DYRK1A: variants seen among roughly 807,000 people sequenced by gnomAD.
The protein encoded by DYRK1A is dual specificity tyrosine-phosphorylation-regulated kinase 1A.
A neutral mutation model predicts 79.7 loss-of-function variants in DYRK1A; 9 were observed. The ratio of observed to expected loss-of-function variants is 0.11; its 90% CI spans 0.07 to 0.20. The LOEUF is 0.20. Ranked by LOEUF, DYRK1A falls within the 10% of genes least tolerant of loss-of-function variation. The pLI, the probability that DYRK1A is intolerant of heterozygous loss-of-function variation, is 1.00. For synonymous variants in DYRK1A, 349 were observed against 329.7 expected, an observed-to-expected ratio of 1.06 and a Z score of -0.63; for missense variants, 622 against 956.0, an observed-to-expected ratio of 0.65 and a Z score of 4.61.
chr21:37,370,202 TG>T (rs2049402249), intron 1 of DYRK1A, among the ~76,000 whole-genome samples: 1 of 152,136 alleles, frequency 6.6e-6, no homozygotes, highest in Admixed American at 6.5e-5. Context: ...GTTATAAACA[TG>T]GTATACAGTG....
chr21:37,367,787 C>T (rs577823674), intron 1 of DYRK1A, among the ~76,000 whole-genome samples, 159 bp downstream of exon 1: 2 of 149,944 alleles, frequency 1.3e-5, no homozygotes, highest in Admixed American at 6.6e-5. Flanking sequence ...GGGGAGGGAG[C>T]CTCAGGCCGG....
chr21:37,403,944 C>T (rs1320960355), intron 1 of DYRK1A, among the ~76,000 whole-genome samples: 1 of 151,958 alleles, frequency 6.6e-6, no homozygotes, highest in African/African-American at 2.4e-5. Context: ...CTTACCCTGT[C>T]TAATATGGTG....
At chr21:37,368,402 C>T (rs935324538) in intron 1 of DYRK1A, among the ~76,000 whole-genome samples, 108 of 152,314 alleles carry the variant, frequency 7.1e-4, no homozygotes, top group African/African-American at 2.3e-3. Flanking sequence ...CAGTACTTGG[C>T]GAAAGGCTCC....
intron 1 of DYRK1A, among the ~76,000 whole-genome samples, chr21:37,383,651 C>T (rs1407471905): frequency 2.0e-5 from 3 of 152,180 alleles, no homozygotes; most frequent in Non-Finnish European, 4.4e-5. Context: ...AGTGCCTCTT[C>T]TTGGCTGCGA....
At chr21:37,468,340 C>T (rs943978954) in intron 2 of DYRK1A, among the ~76,000 whole-genome samples, 1 of 151,914 alleles carries the variant, frequency 6.6e-6, no homozygotes, top group Non-Finnish European at 1.5e-5. Context: ...GACTCTCGGG[C>T]TCAAGTGATT....
At chr21:37,429,578 C>A (rs1290655102) in intron 2 of DYRK1A, among the ~76,000 whole-genome samples, 1 of 152,168 alleles carries the variant, frequency 6.6e-6, no homozygotes, top group African/African-American at 2.4e-5. Context: ...AACGTACTCA[C>A]CATCGTGAGA....
At chr21:37,409,247 C>G (rs1227043784) in intron 1 of DYRK1A, among the ~76,000 whole-genome samples, 1 of 152,234 alleles carries the variant, frequency 6.6e-6, no homozygotes, top group Admixed American at 6.5e-5. Flanking sequence ...GTATTGATCA[C>G]TTACTGTGCA....
At chr21:37,398,672 G>A (rs1457230081) in intron 1 of DYRK1A, among the ~76,000 whole-genome samples, 1 of 152,206 alleles carries the variant, frequency 6.6e-6, no homozygotes, top group Non-Finnish European at 1.5e-5. Flanking sequence ...CTTTGGCGAT[G>A]TCAAGTTGAA....
intron 1 of DYRK1A, among the ~76,000 whole-genome samples, chr21:37,402,403 T>C (rs1299624317): frequency 6.6e-6 from 1 of 152,238 alleles, no homozygotes; most frequent in African/African-American, 2.4e-5. Flanking sequence ...TTGATACTTT[T>C]TGTCTTTTAG....
intron 2 of DYRK1A, among the ~76,000 whole-genome samples, chr21:37,462,391 C>T (rs1396612799): frequency 1.3e-5 from 2 of 152,192 alleles, no homozygotes; most frequent in African/African-American, 4.8e-5. Flanking sequence ...CCAGCCTTTA[C>T]TGTAGGGCTG....
chr21:37,440,182 C>CTGGA (rs1296742983), intron 2 of DYRK1A, among the ~76,000 whole-genome samples: 5 of 89,516 alleles, frequency 5.6e-5, no homozygotes, highest in Admixed American at 4.6e-4. Context: ...GTTTCCCAGG[C>CTGGA]TGGAGTGCAG....
rs1296689445 is a variant in DYRK1A at position 37,522,575 on chromosome 21, C to T, written c.*10044C>T. ...ATTAATGTAGACACTAGGCTTAGGG[C>T]TAGGGAAAATGTAGTGAAGGATGCC... On this transcript the variant is annotated 3_prime_UTR_variant, in exon 12 of 12. Transcript: ENST00000647188. The T allele has an allele frequency of 6.6e-6, 1 of 152,182 alleles. No homozygotes were observed. Among genetic ancestry groups the T allele is most frequent in the Non-Finnish European group, 1.5e-5 (1 of 68,040 alleles). The allele number at this position is 152,182 out of a possible 1,614,324, so 9.4% of individuals were successfully genotyped here.
At chr21:37,478,066 A>G (rs1450058779) in intron 3 of DYRK1A, 142 bp from the exon 4 acceptor site, 8 of 1,105,586 alleles carry the variant, frequency 7.2e-6, no homozygotes, top group Non-Finnish European at 8.9e-6. Flanking sequence ...ACTTTGAGAG[A>G]GAATGTATAA....
intron 1 of DYRK1A, among the ~76,000 whole-genome samples, chr21:37,385,230 C>T (rs1010021965): frequency 1.3e-5 from 2 of 152,162 alleles, no homozygotes; most frequent in African/African-American, 2.4e-5. Flanking sequence ...AAAATATACA[C>T]TTCCATTTAT....
chr21:37,512,189 C>T lies in DYRK1A; in HGVS notation c.1923C>T (p.His641=). The change falls in exon 12 of 12, where the codon CAC becomes CAT. Residue 641 remains histidine (H), a synonymous_variant. Transcript: ENST00000647188. The part of the protein sequence containing the change: ...SSTQDSMEVG[H]SHHSMTSLSS... ...CCCAAGATTCTATGGAGGTTGGCCA[C>T]AGTCACCACTCCATGACATCCCTGT... is the stretch of plus-strand genomic sequence containing the variant. 1.9e-6 allele frequency: 3 copies of T among 1,614,232 alleles called. No individual in the cohort carries two copies. Among genetic ancestry groups the T allele is most frequent in the East Asian group, 2.2e-5 (1 of 44,886 alleles).
chr21:37,433,880 A>G (rs1387573474), intron 2 of DYRK1A, among the ~76,000 whole-genome samples: 1 of 152,168 alleles, frequency 6.6e-6, no homozygotes, highest in Non-Finnish European at 1.5e-5. Flanking sequence ...ATGTTTCTAA[A>G]AATATAGTTT....
At chr21:37,489,575 C>A (rs1601263213) in intron 6 of DYRK1A, among the ~76,000 whole-genome samples, 1 of 151,840 alleles carries the variant, frequency 6.6e-6, no homozygotes, top group African/African-American at 2.4e-5. Flanking sequence ...ACAGTTAAGT[C>A]CTCCAATACT....
At position 37,512,433 on chromosome 21, in the gene DYRK1A, A is replaced by T; in HGVS notation, c.2167A>T (p.Met723Leu). The change falls in exon 12 of 12, where the codon ATG becomes TTG. Residue 723 changes from methionine to leucine, a missense_variant. Coordinates refer to ENST00000647188, the MANE Select transcript of DYRK1A (RefSeq NM_001347721.2). ...TGCTAATACAGGTCCTGCACATTAC[A>T]TGACTGAAGGACATCTGACAATGAG... ...FSANTGPAHY[M>L]TEGHLTMRQG... The T allele has an allele frequency of 6.2e-7, 1 of 1,614,242 alleles. No individual in the cohort carries two copies. Among genetic ancestry groups the T allele is most frequent in the South Asian group, 1.1e-5 (1 of 91,090 alleles).
intron 1 of DYRK1A, among the ~76,000 whole-genome samples, chr21:37,403,634 TAAAA>T (rs11349987): frequency 0.12 from 14,797 of 118,976 alleles, 1,005 homozygotes; most frequent in East Asian, 0.17. Context: ...CTCAGCTAAT[TAAAA>T]AAAAAAAAAA....
Sources: gnomAD v4.1 joint callset for allele counts (sites outside exome capture counted in the v4.1 genomes callset) on GRCh38, gnomAD v4.1.1 for gene constraint, MANE v1.5 for transcripts, NCBI Gene and HGNC (gene_info 2026-07-23, HGNC 2026-07-21) for gene names.